Variants in SMIM14 observed in about 807,000 individuals in gnomAD.
SMIM14 encodes the protein chromosome 4 open reading frame 34.
Under a neutral mutation model 12.6 loss-of-function variants are expected in SMIM14, and 5 were observed. The ratio of observed to expected loss-of-function variants is 0.40; its 90% confidence interval spans 0.21 to 0.83. SMIM14 has a LOEUF of 0.83. Among genes scored for constraint, SMIM14 ranks in the 40% least tolerant of loss-of-function variants. SMIM14 has a pLI of 0.37. For synonymous variants in SMIM14, 30 were observed against 40.1 expected (o/e 0.75, Z 0.95); for missense variants, 86 against 119.1 (o/e 0.72, Z 1.29).
At chr4:39,612,995 T>C (rs1206981734) in intron 1 of SMIM14, among the ~76,000 whole-genome samples, 1 of 152,224 alleles carries the variant, frequency 6.6e-6, no homozygotes, top group African/African-American at 2.4e-5. Context: ...GCACATTGGC[T>C]TTTATAAAGA....
Position 39,579,052 on chromosome 4 carries a change from G to A in SMIM14, c.76-6589C>T, listed in dbSNP as rs540524556. ...GAGTAAAGCAGTAATAGAATAATAT[G>A]AGTAGAATAATATGAAGTAGTTATT... On this transcript the variant is annotated intron_variant, in intron 2 of 4. Coordinates refer to ENST00000295958, the MANE Select transcript of SMIM14 (RefSeq NM_174921.3). 2.5e-4 allele frequency among the ~76,000 whole-genome samples: 37 copies of A among 150,302 alleles called. 1 individual carries two copies. The highest frequency in any genetic ancestry group is 9.0e-4 in the African/African-American group (37 of 41,078).
At chr4:39,614,185 C>CAAAAAAA (rs60332502) in intron 1 of SMIM14, among the ~76,000 whole-genome samples, 6 of 102,280 alleles carry the variant, frequency 5.9e-5, no homozygotes, top group Non-Finnish European at 8.4e-5. Flanking sequence ...AACTCCATTA[C>CAAAAAAA]AAAAAAAAAA....
intron 3 of SMIM14, 133 bp from the exon 4 acceptor site, chr4:39,556,703 A>G: frequency 1.2e-6 from 1 of 823,454 alleles, no homozygotes; most frequent in Non-Finnish European, 1.7e-6. Context: ...AGTACATATT[A>G]TATCTTCAAT....
intron 1 of SMIM14, among the ~76,000 whole-genome samples, chr4:39,606,756 G>A (rs969523477): frequency 8.5e-5 from 13 of 152,092 alleles, no homozygotes; most frequent in Non-Finnish European, 1.9e-4. Flanking sequence ...GCCTCGAGGA[G>A]ACTCTAGTTC....
chr4:39,627,002 C>T (rs1715727690), intron 1 of SMIM14, among the ~76,000 whole-genome samples: 1 of 152,138 alleles, frequency 6.6e-6, no homozygotes, highest in Non-Finnish European at 1.5e-5. Context: ...ATTTACTTCT[C>T]ACGGTTCTGG....
At chr4:39,578,738 G>A (rs1318781903) in intron 2 of SMIM14, among the ~76,000 whole-genome samples, 1 of 152,142 alleles carries the variant, frequency 6.6e-6, no homozygotes, top group Admixed American at 6.6e-5. Context: ...ACTCACGCTT[G>A]TAATCCCAGC....
intron 1 of SMIM14, among the ~76,000 whole-genome samples, chr4:39,634,358 T>C (rs1264709653): frequency 6.6e-6 from 1 of 152,170 alleles, no homozygotes; most frequent in East Asian, 1.9e-4. Context: ...AAACATGGCC[T>C]CTCTTAAAGT....
intron 3 of SMIM14, among the ~76,000 whole-genome samples, chr4:39,564,894 G>C (rs944639644): frequency 2.0e-5 from 3 of 152,154 alleles, no homozygotes; most frequent in African/African-American, 7.2e-5. Context: ...ACCTGGGATT[G>C]GTGGTATAGT....
chr4:39,571,720 T>TA (rs1368109622), intron 3 of SMIM14, among the ~76,000 whole-genome samples: 1 of 152,146 alleles, frequency 6.6e-6, no homozygotes, highest in Non-Finnish European at 1.5e-5. Context: ...AGTGCCCTGT[T>TA]ACAGACTTAT....
intron 2 of SMIM14, among the ~76,000 whole-genome samples, chr4:39,598,859 C>T (rs73240617): frequency 0.07 from 10,550 of 151,784 alleles, 392 homozygotes; most frequent in East Asian, 0.1. Flanking sequence ...CCATCCACCG[C>T]CCCCCTGCAA....
intron 2 of SMIM14, among the ~76,000 whole-genome samples, chr4:39,590,417 A>G (rs1474850958): frequency 6.6e-6 from 1 of 151,982 alleles, no homozygotes; most frequent in African/African-American, 2.4e-5. Context: ...CTGCCTCAAA[A>G]AAAAAAAAGA....
chr4:39,586,179 T>C (rs1713775276), intron 2 of SMIM14, among the ~76,000 whole-genome samples: 1 of 152,088 alleles, frequency 6.6e-6, no homozygotes, highest in Non-Finnish European at 1.5e-5. Context: ...TACTTTTTGT[T>C]ATGTGGACAG....
intron 1 of SMIM14, among the ~76,000 whole-genome samples, chr4:39,632,554 G>C (rs1715944311): frequency 6.6e-6 from 1 of 151,838 alleles, no homozygotes; most frequent in African/African-American, 2.4e-5. Context: ...AGCACTTTGG[G>C]AGGCGAAGCC....
At chr4:39,621,108 A>T (rs1212548930) in intron 1 of SMIM14, 4 of 152,196 alleles carry the variant, frequency 2.6e-5, no homozygotes, top group African/African-American at 9.7e-5. Context: ...ACCTACTAGC[A>T]GTTAAGGAGG....
chr4:39,590,041 A>T lies in SMIM14; in HGVS notation c.75+15030T>A, dbSNP rs28497552. Among the ~76,000 whole-genome samples, 472 of 151,588 alleles carry T rather than the reference A, an allele frequency of 3.1e-3. 3 individuals carry two copies. The highest frequency in any genetic ancestry group is 0.011 in the African/African-American group (444 of 41,412). ...CTGTTTCAAAAAAAAAAAAAAAAAA[A>T]AAAAGAATACTAAAGTAGTTACAAG... On this transcript the variant is annotated intron_variant, in intron 2 of 4. Coordinates refer to ENST00000295958, the MANE Select transcript of SMIM14 (RefSeq NM_174921.3).
rs1226460114 is a variant in SMIM14, at chr4:39,619,281, T to G, written c.-35-14101A>C. Among the ~76,000 whole-genome samples the G allele has an allele frequency of 3.9e-5, 4 of 103,120 alleles. No individual in the cohort carries two copies. The East Asian group carries it at 1.1e-3, about 29-fold the overall frequency. The allele number at this position is 103,120 out of a possible 152,430, so 67.7% of individuals were successfully genotyped here. ...ATATCAATAAATATAATTTATTCTA[T>G]ATATCAATAAATATAATTTATTCTA... On this transcript the variant is annotated intron_variant, in intron 1 of 4. Coordinates refer to ENST00000295958, the MANE Select transcript of SMIM14 (RefSeq NM_174921.3).
chr4:39,548,769 C>T lies in SMIM14; in HGVS notation c.*3357G>A, dbSNP rs1273283898. The T allele has an allele frequency of 2.6e-5, 4 of 152,046 alleles. No homozygotes were observed. The highest frequency in any genetic ancestry group is 6.6e-5 in the Admixed American group (1 of 15,238). The allele number at this position is 152,046 out of a possible 1,614,324, so 9.4% of individuals were successfully genotyped here. On this transcript the variant is annotated 3_prime_UTR_variant, in exon 5 of 5. Coordinates refer to ENST00000295958, the MANE Select transcript of SMIM14 (RefSeq NM_174921.3). ...GAATGCAGAGAAATTTTACAAGAAA[C>T]CCAAGACTAAATACTTCATTAAGAA...
intron 1 of SMIM14, among the ~76,000 whole-genome samples, chr4:39,630,864 T>A (rs1715870940): frequency 8.2e-6 from 1 of 122,224 alleles, no homozygotes; most frequent in Non-Finnish European, 1.7e-5. Flanking sequence ...AGCAAAACCC[T>A]GTCAAAAAAA....
chr4:39,634,940 G>A (rs1435487984), intron 1 of SMIM14, among the ~76,000 whole-genome samples: 2 of 152,230 alleles, frequency 1.3e-5, no homozygotes, highest in Non-Finnish European at 2.9e-5. Flanking sequence ...ACTATGCAGT[G>A]AAAAGGACAG....
Sources: allele counts gnomAD v4.1 joint callset (sites outside exome capture counted in the v4.1 genomes callset), GRCh38; gene constraint gnomAD v4.1.1; transcripts MANE v1.5; gene names NCBI Gene and HGNC (gene_info 2026-07-23, HGNC 2026-07-21).